Variants in API5 observed in about 807,000 individuals in gnomAD.
API5 encodes FIF.
In API5, 6 loss-of-function variants were observed where a neutral mutation model predicts 71.9. The observed-to-expected ratio is 0.08, with a 90% confidence interval of 0.05 to 0.16. API5 has a LOEUF of 0.16. Ranked by LOEUF, API5 falls within the 10% of genes least tolerant of loss-of-function variation. API5 has a pLI of 1.00. For missense variants in API5, 332 were observed against 612.8 expected (o/e 0.54, Z 4.84); for synonymous variants, 189 against 221.3 (o/e 0.85, Z 1.30).
rs778611856 is a variant in API5, at chr11:43,312,058, A to G, written c.-70A>G. 8 of 1,558,196 alleles carry G rather than the reference A, an allele frequency of 5.1e-6. No homozygotes were observed. The African/African-American group carries it at 1.1e-4, about 21-fold the overall frequency. The stretch of plus-strand genomic sequence containing the variant: ...ATAGTGCGGGTAGTGGGTTTGGAGA[A>G]GTTCCGAGGCGGCGGTGGCGCCGGT... On this transcript the variant is annotated 5_prime_UTR_variant, in exon 1 of 14. Coordinates refer to ENST00000531273, the MANE Select transcript of API5 (RefSeq NM_001142930.2).
intron 2 of API5, 192 bp downstream of exon 2, chr11:43,318,993 GAA>G (rs1854773573): frequency 2.0e-6 from 1 of 490,844 alleles, no homozygotes; most frequent in African/African-American, 2.0e-5. Context: ...TTTAAATTAT[GAA>G]AAATGCATAG....
chr11:43,327,505 ACTT>A (rs1352571004), intron 7 of API5, among the ~76,000 whole-genome samples: 13 of 152,052 alleles, frequency 8.5e-5, no homozygotes, highest in African/African-American at 2.7e-4. Context: ...TATTTTCCAT[ACTT>A]CTTCTCACAG....
intron 6 of API5, 80 bp from the exon 7 acceptor site, chr11:43,326,427 A>G (rs1186475429): frequency 6.5e-6 from 6 of 916,918 alleles, no homozygotes; most frequent in African/African-American, 1.6e-5. Flanking sequence ...AGCGCTCAGC[A>G]TTTATTGAAT....
At chr11:43,338,073 A>G (rs1855493643) in intron 13 of API5, among the ~76,000 whole-genome samples, 1 of 152,242 alleles carries the variant, frequency 6.6e-6, no homozygotes, top group African/African-American at 2.4e-5. Flanking sequence ...AAAATAACAG[A>G]AGGGCAAAGC....
Position 43,323,419 on chromosome 11 carries a change from C to A in API5, c.544-11C>A. 1.9e-6 allele frequency: 3 copies of A among 1,606,988 alleles called. No individual in the cohort carries two copies. The highest frequency in any genetic ancestry group is 2.6e-6 in the Non-Finnish European group (3 of 1,173,676). ...TGAACATACTCTTATTCTGAATTGT[C>A]TCTTTTCCAGGTCCTAGAAGATGTG... is the stretch of plus-strand genomic sequence containing the variant. On this transcript the variant is annotated splice_polypyrimidine_tract_variant and intron_variant, in intron 5 of 13. Transcript: ENST00000531273.
At chr11:43,329,064 A>G in intron 9 of API5, 171 bp downstream of exon 9, 1 of 671,878 alleles carries the variant, frequency 1.5e-6, no homozygotes, top group South Asian at 2.1e-5. Flanking sequence ...GAAATGAGCC[A>G]GGCATGGTGG....
At position 43,342,364 on chromosome 11, in the gene API5, C is replaced by T. The variant is rs1855646225; in HGVS notation, c.1493-64C>T. On this transcript the variant is annotated intron_variant, in intron 13 of 13. Coordinates refer to ENST00000531273, the MANE Select transcript of API5 (RefSeq NM_001142930.2). ...GTATTCAGAGTTATGAGCTACGTTT[C>T]TTCTGCGTTTGCTGCACCATGAAAT... is the stretch of plus-strand genomic sequence containing the variant. 32 of 1,400,374 alleles carry T rather than the reference C, an allele frequency of 2.3e-5. No homozygotes were observed. The South Asian group carries it at 4.3e-4, about 19-fold the overall frequency. The allele number at this position is 1,400,374 out of a possible 1,614,324, so 86.7% of individuals were successfully genotyped here. A position where few individuals can be genotyped will look rare whatever the true frequency, so the allele number is the denominator to read the frequency against.
chr11:43,321,041 T>C (rs1854871786), intron 3 of API5, 127 bp downstream of exon 3: 3 of 727,022 alleles, frequency 4.1e-6, no homozygotes, highest in Admixed American at 5.8e-5. Context: ...AGATTAAATT[T>C]CCTACTTTCA....
At chr11:43,342,185 T>C (rs1855640278) in intron 13 of API5, among the ~76,000 whole-genome samples, 1 of 152,208 alleles carries the variant, frequency 6.6e-6, no homozygotes, top group African/African-American at 2.4e-5. Flanking sequence ...AACAACTTTG[T>C]TACTGGGATA....
At chr11:43,328,529 T>C (rs1184582363) in intron 8 of API5, among the ~76,000 whole-genome samples, 183 bp from the exon 9 acceptor site, 1 of 152,126 alleles carries the variant, frequency 6.6e-6, no homozygotes, top group Non-Finnish European at 1.5e-5. Flanking sequence ...CTGTAACAGG[T>C]TAATATGGAG....
intron 13 of API5, among the ~76,000 whole-genome samples, chr11:43,340,015 T>G (rs1196853981): frequency 6.6e-6 from 1 of 152,058 alleles, no homozygotes; most frequent in African/African-American, 2.4e-5. Flanking sequence ...TCTATGCAGA[T>G]GACATGATGT....
rs1474654683 is a variant in API5 at position 43,335,259 on chromosome 11, C to T, written c.1279-19C>T. ...CCAACAAATACATTAGAATTCTTGC[C>T]TGATTTCTGTCTCTGCAGGATCTCT... On this transcript the variant is annotated intron_variant, in intron 11 of 13. Coordinates refer to ENST00000531273, the MANE Select transcript of API5 (RefSeq NM_001142930.2). The T allele has an allele frequency of 6.4e-7, 1 of 1,569,860 alleles. No homozygotes were observed. Among genetic ancestry groups the T allele is most frequent in the Admixed American group, 1.7e-5 (1 of 59,752 alleles).
At chr11:43,321,009 C>T in intron 3 of API5, 95 bp downstream of exon 3, 1 of 940,886 alleles carries the variant, frequency 1.1e-6, no homozygotes. Flanking sequence ...TGCAGGAGAG[C>T]TGGAGGTCCT....
chr11:43,312,345 C>T (rs1590342677), intron 1 of API5, 149 bp downstream of exon 1: 1 of 829,934 alleles, frequency 1.2e-6, no homozygotes, highest in Non-Finnish European at 1.9e-6. Context: ...TCGGGGTGGG[C>T]CTCTCTGGGA....
intron 2 of API5, among the ~76,000 whole-genome samples, chr11:43,320,411 C>A (rs1253883171): frequency 6.6e-6 from 1 of 151,592 alleles, no homozygotes; most frequent in Non-Finnish European, 1.5e-5. Context: ...CTCGTATGCC[C>A]CTAATGATGG....
chr11:43,323,179 C>T (rs575841568), intron 5 of API5, among the ~76,000 whole-genome samples: 14 of 151,944 alleles, frequency 9.2e-5, no homozygotes, highest in Admixed American at 3.3e-4. Flanking sequence ...TATGGTACTA[C>T]ATGTATATCT....
Position 43,343,800 on chromosome 11 carries a change from A to G in API5, c.*1290A>G, listed in dbSNP as rs924161406. On this transcript the variant is annotated 3_prime_UTR_variant, in exon 14 of 14. Coordinates refer to ENST00000531273, the MANE Select transcript of API5 (RefSeq NM_001142930.2). Reference sequence around the variant, plus strand: ...TTCGTATATTTTTGTTTCACAGTTAATCTTCCCTCCCCAAGTTTGCTATTC... The same window carrying G: ...TTCGTATATTTTTGTTTCACAGTTAGTCTTCCCTCCCCAAGTTTGCTATTC... 22 of 152,596 alleles carry G rather than the reference A, an allele frequency of 1.4e-4. No homozygotes were observed. Among genetic ancestry groups the G allele is most frequent in the Non-Finnish European group, 2.6e-4 (18 of 68,042 alleles). 9.5% of individuals were successfully genotyped at this position (152,596 alleles called of 1,614,324 possible).
chr11:43,316,718 G>A (rs1443635669), intron 1 of API5, among the ~76,000 whole-genome samples: 2 of 152,026 alleles, frequency 1.3e-5, no homozygotes, highest in Non-Finnish European at 2.9e-5. Flanking sequence ...TCCTGGGCGC[G>A]ACCATGGCTT....
chr11:43,323,061 AC>A (rs1565103726), intron 5 of API5, among the ~76,000 whole-genome samples: 1 of 152,080 alleles, frequency 6.6e-6, no homozygotes, highest in Non-Finnish European at 1.5e-5. Flanking sequence ...AATTTTTCCA[AC>A]CATTTTTTAA....
Sources: gnomAD v4.1 joint callset for allele counts (sites outside exome capture counted in the v4.1 genomes callset) on GRCh38, gnomAD v4.1.1 for gene constraint, MANE v1.5 for transcripts, NCBI Gene and HGNC (gene_info 2026-07-23, HGNC 2026-07-21) for gene names.